SETD9: variants seen among roughly 807,000 people sequenced by gnomAD.
The protein encoded by SETD9 is SET domain containing 9, also known as SET domain-containing protein 9.
In SETD9, 37 loss-of-function variants were observed where a neutral mutation model predicts 36.4. The ratio of observed to expected loss-of-function variants is 1.02; its 90% CI spans 0.78 to 1.34. The LOEUF is 1.34. SETD9 is among the 40% of genes most tolerant of loss of function. The probability of loss-of-function intolerance (pLI) is 0.00; values close to 1 mark genes in which losing one functional copy is unlikely to be tolerated. For missense variants in SETD9, 323 were observed against 353.2 expected (o/e 0.91, Z 0.69); for synonymous variants, 128 against 132.9 (o/e 0.96, Z 0.26).
chr5:56,914,297 A>T (rs1714527735), intron 4 of SETD9, among the ~76,000 whole-genome samples: 1 of 152,198 alleles, frequency 6.6e-6, no homozygotes, highest in South Asian at 2.1e-4. Context: ...CAGTGCTTCA[A>T]TATAGCCTTA....
intron 5 of SETD9, chr5:56,923,550 T>C: frequency 1.2e-6 from 2 of 1,614,062 alleles, no homozygotes; most frequent in Non-Finnish European, 1.7e-6. Flanking sequence ...TTCACATCTG[T>C]GGGGTCGCAG....
At chr5:56,922,802 G>A in intron 5 of SETD9, 1 of 276,974 alleles carries the variant, frequency 3.6e-6, no homozygotes, top group Non-Finnish European at 7.0e-6. Flanking sequence ...AAAATTGGGA[G>A]TGAGGGCAGT....
Position 56,913,062 on chromosome 5 carries a change from C to T in SETD9, c.518C>T (p.Pro173Leu), listed in dbSNP as rs144207188. 62 of 1,613,700 alleles carry T rather than the reference C, an allele frequency of 3.8e-5. No homozygotes were observed. The Middle Eastern group carries it at 9.9e-4, about 26-fold the overall frequency. Residue 173 changes from proline (P) to leucine (L), a missense_variant, in exon 3 of 6, where the codon CCG becomes CTG. By Grantham distance (98) the Pro-to-Leu change is moderately conservative. Coordinates refer to ENST00000285947, the MANE Select transcript of SETD9 (RefSeq NM_153706.4). The stretch of plus-strand genomic sequence containing the variant: ...ATCTTTTTCCAGTCCATTGGAAATC[C>T]GTTTATTTTTAGATGCCTGGATGGG... Reference protein sequence around the residue: ...EPIFFQSIGNPFIFRCLDGVL... With the variant: ...EPIFFQSIGNLFIFRCLDGVL...
chr5:56,923,219 A>G, intron 5 of SETD9: 1 of 1,614,114 alleles, frequency 6.2e-7, no homozygotes, highest in Non-Finnish European at 8.5e-7. Context: ...AAAGTCAGCC[A>G]CAGAAACAGC....
downstream of SETD9, among the ~76,000 whole-genome samples, chr5:56,925,860 T>C (rs1749948426): frequency 6.6e-6 from 1 of 151,720 alleles, no homozygotes. Flanking sequence ...AAAGCTATAG[T>C]AATCAAGACA....
At chr5:56,911,563 T>G in intron 2 of SETD9, 27 bp downstream of exon 2, 1 of 1,489,514 alleles carries the variant, frequency 6.7e-7, no homozygotes, top group Non-Finnish European at 8.9e-7. Flanking sequence ...TATTATACTT[T>G]GCCAAGCTTC....
chr5:56,922,930 T>C, intron 5 of SETD9: 1 of 581,380 alleles, frequency 1.7e-6, no homozygotes, highest in Non-Finnish European at 3.0e-6. Context: ...CCAACTCTGC[T>C]GATCATAGTT....
At chr5:56,909,569 C>A, upstream of SETD9, 2 of 1,217,062 alleles carry the variant, frequency 1.6e-6, no homozygotes, top group South Asian at 1.6e-5. Context: ...GGCCCCCTCT[C>A]CTCCCGGGCC....
chr5:56,909,599 G>A lies in SETD9; in HGVS notation c.-47G>A. 1 of 1,516,114 alleles carries A rather than the reference G, an allele frequency of 6.6e-7. No individual in the cohort carries two copies. The highest frequency in any genetic ancestry group is 2.6e-5 in the East Asian group (1 of 38,688). The allele number at this position is 1,516,114 out of a possible 1,614,324, so 93.9% of individuals were successfully genotyped here. A position where few individuals can be genotyped will look rare whatever the true frequency, so the allele number is the denominator to read the frequency against. Reference sequence around the variant, plus strand: ...CGGGCCGGGGCGGGCCCGAGGCCTCGATCCGCCTTCCCCGCGCCGTCCTGG... The same window carrying A: ...CGGGCCGGGGCGGGCCCGAGGCCTCAATCCGCCTTCCCCGCGCCGTCCTGG... On this transcript the variant is annotated 5_prime_UTR_variant, in exon 1 of 6. Coordinates refer to ENST00000285947, the MANE Select transcript of SETD9 (RefSeq NM_153706.4).
Position 56,909,714 on chromosome 5 carries a change from G to C in SETD9, c.69G>C (p.Trp23Cys). 1 of 1,611,512 alleles carries C rather than the reference G, an allele frequency of 6.2e-7. No individual in the cohort carries two copies. Among genetic ancestry groups the C allele is most frequent in the Non-Finnish European group, 8.5e-7 (1 of 1,179,096 alleles). ...GTTACAAGTACCGCTTCGTTCCCTG[G>C]ATCGCACTGAACCTAAGCCACAACC... is the stretch of plus-strand genomic sequence containing the variant. ...WRRYKYRFVP[W>C]IALNLSHNPR... The change falls in exon 1 of 6, where the codon TGG (tryptophan) becomes TGC (cysteine). Residue 23 changes from tryptophan (W) to cysteine (C), a missense_variant. Coordinates refer to ENST00000285947, the MANE Select transcript of SETD9 (RefSeq NM_153706.4).
At chr5:56,923,289 C>T (rs779011184) in intron 5 of SETD9, 4 of 1,614,032 alleles carry the variant, frequency 2.5e-6, no homozygotes, top group South Asian at 1.1e-5. Context: ...AGGTTATTTA[C>T]AGAAACTTCA....
chr5:56,925,857 T>C (rs149990871), downstream of SETD9, among the ~76,000 whole-genome samples: 239 of 151,714 alleles, frequency 1.6e-3, 1 homozygote, highest in African/African-American at 5.2e-3. Context: ...TATAAAGCTA[T>C]AGTAATCAAG....
chr5:56,914,015 G>A (rs772796845), intron 4 of SETD9, 26 bp downstream of exon 4: 14 of 1,509,142 alleles, frequency 9.3e-6, no homozygotes, highest in Non-Finnish European at 1.3e-5. Context: ...GGGGCTGTGA[G>A]ATGAGATATA....
chr5:56,913,763 C>CT (rs74270761), intron 3 of SETD9, 111 bp from the exon 4 acceptor site: 51,209 of 526,380 alleles, frequency 0.097, 599 homozygotes, highest in East Asian at 0.14. Flanking sequence ...ATACTAAAGT[C>CT]TTTTTTTTTT....
At chr5:56,925,463 C>G (rs1274032575) in exon 6 of SETD9, 2 of 319,118 alleles carry the variant, frequency 6.3e-6, no homozygotes, top group African/African-American at 4.4e-5. Context: ...TATATAACAG[C>G]AATGACGATT....
At chr5:56,915,488 CA>C (rs1464887484) in intron 5 of SETD9, among the ~76,000 whole-genome samples, 1 of 152,134 alleles carries the variant, frequency 6.6e-6, no homozygotes, top group Non-Finnish European at 1.5e-5. Flanking sequence ...TGAGAATATT[CA>C]AATAACAATT....
Position 56,909,637 on chromosome 5 carries a change from G to T in SETD9, c.-9G>T. Reference sequence around the variant, plus strand: ...CGCGCCGTCCTGGTCACGGCCCCGCGGGGCAGCCATGCCTGGCCGTCTGCT... The same window carrying T: ...CGCGCCGTCCTGGTCACGGCCCCGCTGGGCAGCCATGCCTGGCCGTCTGCT... On this transcript the variant is annotated 5_prime_UTR_variant, in exon 1 of 6. Coordinates refer to ENST00000285947, the MANE Select transcript of SETD9 (RefSeq NM_153706.4). 2 of 1,600,208 alleles carry T rather than the reference G, an allele frequency of 1.2e-6. No homozygotes were observed. Among genetic ancestry groups the T allele is most frequent in the Non-Finnish European group, 1.7e-6 (2 of 1,174,752 alleles).
downstream of SETD9, among the ~76,000 whole-genome samples, chr5:56,918,953 G>A (rs1466921875): frequency 6.6e-6 from 1 of 152,118 alleles, no homozygotes; most frequent in Non-Finnish European, 1.5e-5. Context: ...ACTATGAATC[G>A]TATGGATAAG....
At chr5:56,922,978 T>C (rs748179415) in intron 5 of SETD9, 8 of 649,412 alleles carry the variant, frequency 1.2e-5, no homozygotes, top group African/African-American at 3.7e-5. Context: ...GAAAATACTC[T>C]TGATAAATCA....
Sources: gnomAD v4.1 joint callset for allele counts (sites outside exome capture counted in the v4.1 genomes callset) on GRCh38, gnomAD v4.1.1 for gene constraint, MANE v1.5 for transcripts, NCBI Gene and HGNC (gene_info 2026-07-23, HGNC 2026-07-21) for gene names.